Variants in PPFIA3 observed in about 807,000 individuals in gnomAD.
The protein encoded by PPFIA3 is PPFI scaffold protein A3, also known as liprin-alpha-3.
Under a neutral mutation model 145.8 loss-of-function variants are expected in PPFIA3, and 26 were observed. The ratio of observed to expected loss-of-function variants is 0.18; its 90% CI spans 0.13 to 0.25. The LOEUF (loss-of-function observed/expected upper bound fraction) is 0.25. Ranked by LOEUF, PPFIA3 falls within the 10% of genes least tolerant of loss-of-function variation. The probability of loss-of-function intolerance (pLI) is 1.00; values close to 1 mark genes in which losing one functional copy is unlikely to be tolerated. For synonymous variants in PPFIA3, 645 were observed against 661.4 expected (o/e 0.98, Z 0.38); for missense variants, 1,008 against 1,587.8 (o/e 0.63, Z 6.21).
Position 49,139,840 on chromosome 19 carries a change from G to A in PPFIA3, c.2240+9G>A. 6.2e-7 allele frequency: 1 copy of A among 1,609,992 alleles called. No homozygotes were observed. Among genetic ancestry groups the A allele is most frequent in the Non-Finnish European group, 8.5e-7 (1 of 1,177,344 alleles). On this transcript the variant is annotated intron_variant, in intron 17 of 29. Coordinates refer to ENST00000334186, the MANE Select transcript of PPFIA3 (RefSeq NM_003660.4). ...GGACCCCCACGGGGAAGGTCAGCAG[G>A]GACAAGGGATAGGGACAGGGAGAAG...
chr19:49,147,358 C>G (rs80016527), intron 23 of PPFIA3, among the ~76,000 whole-genome samples: 1 of 152,008 alleles, frequency 6.6e-6, no homozygotes, highest in African/African-American at 2.4e-5. Flanking sequence ...CTGAGGTCAA[C>G]CTGGGCAACA....
At position 49,150,953 on chromosome 19, in the gene PPFIA3, C is replaced by T. The variant is rs1052259557; in HGVS notation, c.*731C>T. On this transcript the variant is annotated 3_prime_UTR_variant, in exon 30 of 30. Coordinates refer to ENST00000334186, the MANE Select transcript of PPFIA3 (RefSeq NM_003660.4). ...CAGGGGGACGGTGGGGGAGCCCTCG[C>T]CCCCGACTCTCGGTCGGCCTCCCCG... 2 of 236,448 alleles carry T rather than the reference C, an allele frequency of 8.5e-6. No individual in the cohort carries two copies. The highest frequency in any genetic ancestry group is 1.6e-5 in the Non-Finnish European group (2 of 122,362). The allele number at this position is 236,448 out of a possible 1,614,324, so 14.6% of individuals were successfully genotyped here. A position where few individuals can be genotyped will look rare whatever the true frequency, so the allele number is the denominator to read the frequency against.
At chr19:49,125,924 AT>A (rs1000727029) in intron 1 of PPFIA3, among the ~76,000 whole-genome samples, 8 of 108,196 alleles carry the variant, frequency 7.4e-5, no homozygotes, top group African/African-American at 3.8e-5. Context: ...CCATACTGGT[AT>A]TTTTTTTGTT....
In PPFIA3 at chr19:49,127,421, G is replaced by GGAAAA. The variant is rs1254372978; in HGVS notation, c.-15-417_-15-413dup. ...AAAAAAAAAAAAGAAAGTAGGGAAAGGAAAAGAAAAGAAAAGAAAAGAAAA... is the reference window on the plus strand; with the variant it reads ...AAAAAAAAAAAAGAAAGTAGGGAAAGGAAAAGAAAAGAAAAGAAAAGAAAAGAAAA... On this transcript the variant is annotated intron_variant, in intron 1 of 29. Transcript: ENST00000334186. 2.5e-3 allele frequency among the ~76,000 whole-genome samples: 368 copies of GGAAAA among 146,156 alleles called. 1 individual carries two copies. Among genetic ancestry groups the GGAAAA allele is most frequent in the African/African-American group, 8.9e-3 (349 of 39,120 alleles).
chr19:49,137,895 G>C (rs1053565196), intron 15 of PPFIA3, among the ~76,000 whole-genome samples: 1 of 151,958 alleles, frequency 6.6e-6, no homozygotes, highest in Non-Finnish European at 1.5e-5. Context: ...CCTTGAACTT[G>C]ACCTTTTGTC....
At chr19:49,127,342 C>T (rs557848084) in intron 1 of PPFIA3, among the ~76,000 whole-genome samples, 2 of 129,312 alleles carry the variant, frequency 1.5e-5, no homozygotes, top group African/African-American at 3.1e-5. Context: ...GAGCCGAGAT[C>T]GCATCACTGC....
rs993939467 is a variant in PPFIA3, at chr19:49,120,272, G to T, written c.-16+550G>T. On this transcript the variant is annotated intron_variant, in intron 1 of 29. Transcript: ENST00000334186. This position sits in a 1 kb window ranked among gnomAD's most constrained non-coding sequence, Gnocchi z 4.6. ...CCACCAGGGAGGGGGCGCAGGCGGC[G>T]CGGGGATCCCCCCGCCGCGCCTTTG... Among the ~76,000 whole-genome samples, 80 of 151,966 alleles carry T rather than the reference G, an allele frequency of 5.3e-4. No individual in the cohort carries two copies. Among genetic ancestry groups the T allele is most frequent in the African/African-American group, 1.9e-3 (79 of 41,486 alleles).
rs777284745 is a variant in PPFIA3, at chr19:49,134,790, TG to T, written c.1441-43del. On this transcript the variant is annotated intron_variant, in intron 12 of 29. Coordinates refer to ENST00000334186, the MANE Select transcript of PPFIA3 (RefSeq NM_003660.4). ...CAAGTCTGGCAGGGGCTGTTCCTCC[TG>T]GGCGGAGCAGATTCTAACCCGACAC... 1.2e-5 allele frequency: 19 copies of T among 1,608,668 alleles called. 2 individuals are homozygous for T. In the Admixed American group the frequency reaches 2.2e-4, roughly 18 times the overall value.
Position 49,127,935 on chromosome 19 carries a change from C to G in PPFIA3, c.62C>G (p.Pro21Arg). The change falls in exon 2 of 30, where the codon CCG becomes CGG. Residue 21 changes from proline to arginine, a missense_variant. By Grantham distance (103) the Pro-to-Arg change is moderately radical. Around this residue, in one of 11 missense-constraint regions of PPFIA3, gnomAD observed 108 missense variants for 144.3 expected, o/e 0.75. Transcript: ENST00000334186. ...EDGRRGSALG[P>R]DEAGGELERL... ...GGCCGGCGGGGCTCGGCGCTGGGCC[C>G]GGACGAGGCGGGCGGGGAGCTGGAG... 6.3e-7 allele frequency: 1 copy of G among 1,593,780 alleles called. No homozygotes were observed. The highest frequency in any genetic ancestry group is 8.5e-7 in the Non-Finnish European group (1 of 1,177,716).
In PPFIA3 at chr19:49,149,532, G is replaced by C. The variant is rs1395135001; in HGVS notation, c.3355-15G>C. On this transcript the variant is annotated splice_polypyrimidine_tract_variant and intron_variant, in intron 27 of 29. Transcript: ENST00000334186. The surrounding 1 kb of genome is among the most constrained non-coding windows in gnomAD (Gnocchi z 5.7). ...GGCAGGAGTCCCTCACCGGCTGTCC[G>C]GCTCCTATACCTAGGACAGCGCCAA... 1.2e-6 allele frequency: 2 copies of C among 1,613,928 alleles called. No individual in the cohort carries two copies. Among genetic ancestry groups the C allele is most frequent in the Non-Finnish European group, 1.7e-6 (2 of 1,179,946 alleles).
intron 24 of PPFIA3, 185 bp from the exon 25 acceptor site, chr19:49,148,480 AG>A (rs2041304534): frequency 1.4e-6 from 1 of 723,934 alleles, no homozygotes; most frequent in Non-Finnish European, 2.3e-6. Flanking sequence ...GACCCCTTCC[AG>A]GCTGGCCAGT....
chr19:49,146,872 C>G (rs2041286876), intron 23 of PPFIA3, among the ~76,000 whole-genome samples: 2 of 152,072 alleles, frequency 1.3e-5, no homozygotes, highest in African/African-American at 4.8e-5. Flanking sequence ...AGAGGTTGCA[C>G]TGAGCCGAGA....
At position 49,127,919 on chromosome 19, in the gene PPFIA3, G is replaced by A; in HGVS notation, c.46G>A (p.Gly16Ser). ...MPTISEDGRR[G>S]SALGPDEAGG... is the part of the protein sequence containing the mutation. ...CACCATCAGCGAGGATGGCCGGCGG[G>A]GCTCGGCGCTGGGCCCGGACGAGGC... The change falls in exon 2 of 30, where the codon GGC (glycine) becomes AGC (serine). Residue 16 changes from glycine to serine, a missense_variant. By Grantham distance (56) the Gly-to-Ser change is moderately conservative. Transcript: ENST00000334186. 1 of 1,592,784 alleles carries A rather than the reference G, an allele frequency of 6.3e-7. No homozygotes were observed. The highest frequency in any genetic ancestry group is 8.5e-7 in the Non-Finnish European group (1 of 1,177,372).
chr19:49,143,676 G>A (rs1164756864), intron 21 of PPFIA3, among the ~76,000 whole-genome samples: 6 of 152,048 alleles, frequency 3.9e-5, no homozygotes, highest in Non-Finnish European at 8.8e-5. Flanking sequence ...CCTGGCCCTC[G>A]TTCCAACTTT....
chr19:49,139,678 C>T lies in PPFIA3; in HGVS notation c.2087C>T (p.Pro696Leu). ...REGTDKANHV[P>L]KEEAGAPRGE... ...GCCCTCTGTCCTCAGAATCATGTCCCTAAGGAGGAAGCTGGAGCTCCACGA... is the reference window on the plus strand; with the variant it reads ...GCCCTCTGTCCTCAGAATCATGTCCTTAAGGAGGAAGCTGGAGCTCCACGA... The change falls in exon 17 of 30, where the codon CCT (proline) becomes CTT (leucine). Residue 696 changes from proline (P) to leucine (L), a missense_variant. This residue lies in a region of PPFIA3 where 202 missense variants were observed against 241.8 expected (regional missense o/e 0.84). Transcript: ENST00000334186. 6.2e-7 allele frequency: 1 copy of T among 1,602,236 alleles called. No individual in the cohort carries two copies. Among genetic ancestry groups the T allele is most frequent in the Non-Finnish European group, 8.5e-7 (1 of 1,174,130 alleles).
Position 49,149,416 on chromosome 19 carries a change from G to A in PPFIA3, c.3354+91G>A. 2 of 1,589,546 alleles carry A rather than the reference G, an allele frequency of 1.3e-6. No individual in the cohort carries two copies. Among genetic ancestry groups the A allele is most frequent in the Non-Finnish European group, 1.7e-6 (2 of 1,158,808 alleles). On this transcript the variant is annotated intron_variant, in intron 27 of 29. Coordinates refer to ENST00000334186, the MANE Select transcript of PPFIA3 (RefSeq NM_003660.4). This position sits in a 1 kb window ranked among gnomAD's most constrained non-coding sequence, Gnocchi z 5.7. ...GCGGGGCCTGACTATTAATGGTCACGGTTGGAGGCGGGGCCAGGAGAGGGG... is the reference window on the plus strand; with the variant it reads ...GCGGGGCCTGACTATTAATGGTCACAGTTGGAGGCGGGGCCAGGAGAGGGG...
Position 49,145,989 on chromosome 19 carries a change from C to G in PPFIA3, c.2792C>G (p.Thr931Arg), listed in dbSNP as rs776576304. The G allele has an allele frequency of 1.6e-5, 26 of 1,614,060 alleles. No homozygotes were observed. Among genetic ancestry groups the G allele is most frequent in the East Asian group, 4.5e-5 (2 of 44,876 alleles). The change falls in exon 22 of 30, where the codon ACG becomes AGG. Residue 931 changes from threonine to arginine, a missense_variant. Around this residue, in one of 11 missense-constraint regions of PPFIA3, gnomAD observed 154 missense variants for 369.2 expected, o/e 0.42. Transcript: ENST00000334186. Reference sequence around the variant, plus strand: ...ACACACGAGGAGATGGAGTCCCTTACGGCCACGACCAAGCCCGTGAGTGCC... The same window carrying G: ...ACACACGAGGAGATGGAGTCCCTTAGGGCCACGACCAAGCCCGTGAGTGCC... ...WMTHEEMESL[T>R]ATTKPETKEI...
intron 21 of PPFIA3, chr19:49,145,732 T>G: frequency 1.7e-6 from 1 of 591,156 alleles, no homozygotes; most frequent in Non-Finnish European, 3.0e-6. Flanking sequence ...GGGTCCCAAT[T>G]CCAACCTGAA....
In PPFIA3 at chr19:49,128,228, T is replaced by G. The variant is rs951349501; in HGVS notation, c.240+115T>G. On this transcript the variant is annotated intron_variant, in intron 2 of 29. Coordinates refer to ENST00000334186, the MANE Select transcript of PPFIA3 (RefSeq NM_003660.4). This position sits in a 1 kb window ranked among gnomAD's most constrained non-coding sequence, Gnocchi z 4.1. Reference sequence around the variant, plus strand: ...GGAGGAGTCTGGGCGAGGCTTGCCGTTAATGGGCGGGGCCTGAGTGGCAAG... The same window carrying G: ...GGAGGAGTCTGGGCGAGGCTTGCCGGTAATGGGCGGGGCCTGAGTGGCAAG... 1 of 1,485,860 alleles carries G rather than the reference T, an allele frequency of 6.7e-7. No homozygotes were observed. The highest frequency in any genetic ancestry group is 9.1e-7 in the Non-Finnish European group (1 of 1,097,802). The allele number at this position is 1,485,860 out of a possible 1,614,324, so 92.0% of individuals were successfully genotyped here.
Sources: allele counts gnomAD v4.1 joint callset (sites outside exome capture counted in the v4.1 genomes callset), GRCh38; gene constraint gnomAD v4.1.1; regional missense constraint gnomAD v4.1.1; non-coding constraint Gnocchi (gnomAD v3.1); transcripts MANE v1.5; gene names NCBI Gene and HGNC (gene_info 2026-07-23, HGNC 2026-07-21).